The following NUP188 variants were observed in gnomAD, a reference collection of about 807,000 sequenced individuals.
NUP188 encodes nucleoporin 188.
Under a neutral mutation model 223.0 loss-of-function variants are expected in NUP188, and 97 were observed. The observed-to-expected ratio is 0.43, with a 90% CI of 0.37 to 0.51. The LOEUF is 0.51. NUP188 is among the 20% of genes least tolerant of loss of function. The pLI is 0.00. For missense variants in NUP188, 1,947 were observed against 2,175.6 expected, an observed-to-expected ratio of 0.89 and a Z score of 2.09; for synonymous variants, 869 against 828.0, an observed-to-expected ratio of 1.05 and a Z score of -0.85.
chr9:128,970,459 T>C (rs1203235049), intron 10 of NUP188, among the ~76,000 whole-genome samples: 1 of 152,068 alleles, frequency 6.6e-6, no homozygotes, highest in African/African-American at 2.4e-5. Context: ...AAAATGAAGA[T>C]AGAGCATAGA....
At chr9:128,954,448 G>A (rs1270051443) in intron 3 of NUP188, among the ~76,000 whole-genome samples, 3 of 142,210 alleles carry the variant, frequency 2.1e-5, no homozygotes, top group African/African-American at 8.0e-5. Context: ...GCAGTGGCAC[G>A]ATCTCGGCTC....
intron 12 of NUP188, among the ~76,000 whole-genome samples, chr9:128,978,279 C>T (rs1048746627): frequency 7.9e-5 from 12 of 151,768 alleles, no homozygotes; most frequent in Admixed American, 7.2e-4. Flanking sequence ...TATACAAAAA[C>T]GGTAAAAAGA....
At chr9:128,960,059 CTTTT>C (rs956759518) in intron 8 of NUP188, among the ~76,000 whole-genome samples, 3 of 103,790 alleles carry the variant, frequency 2.9e-5, no homozygotes, top group South Asian at 3.1e-4. Flanking sequence ...TTATTTTATT[CTTTT>C]TTTTTTTTTT....
chr9:128,983,732 C>T (rs1366107425), intron 19 of NUP188, among the ~76,000 whole-genome samples, 182 bp downstream of exon 19: 1 of 152,038 alleles, frequency 6.6e-6, no homozygotes, highest in African/African-American at 2.4e-5. Context: ...CATGTTCAAG[C>T]AGTTGTTGTG....
Position 128,993,343 on chromosome 9 carries a change from G to A in NUP188, c.2787G>A (p.Gln929=), listed in dbSNP as rs1162619527. 1.9e-6 allele frequency: 3 copies of A among 1,614,068 alleles called. No individual in the cohort carries two copies. The highest frequency in any genetic ancestry group is 2.5e-6 in the Non-Finnish European group (3 of 1,180,030). Residue 929 remains glutamine (Q), a synonymous_variant, in exon 26 of 44, where the codon CAG becomes CAA. Coordinates refer to ENST00000372577, the MANE Select transcript of NUP188 (RefSeq NM_015354.3). ...LEFLTVAVET[Q]PGLIELFLNL... is the part of the protein sequence containing the mutation. ...TCCTCACTGTTGCAGTAGAGACCCA[G>A]CCAGGCCTCATCGAACTGTTTCTGA...
rs780214067 is a variant in NUP188, at chr9:128,952,824, CT to C, written c.142del (p.Ser48LeufsTer14). 16 of 1,613,502 alleles carry C rather than the reference CT, an allele frequency of 9.9e-6. No homozygotes were observed. Among genetic ancestry groups the C allele is most frequent in the Non-Finnish European group, 1.3e-5 (15 of 1,179,672 alleles). Reference sequence around the variant, plus strand: ...ACATTGGCGGCGATTGTTAGAGGGGCTTTCTTACTACAAACCTCCCAGGTAT... The same window carrying C: ...ACATTGGCGGCGATTGTTAGAGGGGCTTCTTACTACAAACCTCCCAGGTAT... ...NKHWRRLLEG[L>X]SYYKPPSPSS... On this transcript the variant is annotated frameshift_variant, in exon 3 of 44. Transcript: ENST00000372577. LOFTEE classifies it high-confidence loss of function.
chr9:128,981,931 G>A (rs915091806), intron 15 of NUP188, among the ~76,000 whole-genome samples: 3 of 151,936 alleles, frequency 2.0e-5, no homozygotes, highest in Admixed American at 6.6e-5. Flanking sequence ...TATAAAATTA[G>A]TCGGGCGTGG....
Position 128,995,599 on chromosome 9 carries a change from C to A in NUP188, c.3351+85C>A. The A allele has an allele frequency of 2.6e-6, 3 of 1,174,348 alleles. No homozygotes were observed. The highest frequency in any genetic ancestry group is 2.4e-5 in the East Asian group (1 of 42,488). 72.7% of individuals were successfully genotyped at this position (1,174,348 alleles called of 1,614,324 possible). ...AGCCTAGCAGATACAGCTCCTTGTG[C>A]GGAAGAATTAATCAGGGTTTATCCC... On this transcript the variant is annotated intron_variant, in intron 30 of 43. Transcript: ENST00000372577.
At chr9:128,975,060 T>C (rs10760583) in intron 12 of NUP188, among the ~76,000 whole-genome samples, 114,342 of 151,872 alleles carry the variant, frequency 0.75, 43,935 homozygotes, top group African/African-American at 0.91. Context: ...TATGCCTGGC[T>C]GAAGTTATTT....
At position 129,006,256 on chromosome 9, in the gene NUP188, C is replaced by T; in HGVS notation, c.4961C>T (p.Thr1654Ile). The change falls in exon 43 of 44, where the codon ACC becomes ATC. Residue 1654 changes from threonine to isoleucine, a missense_variant. Physicochemically the swap from Thr to Ile is moderately conservative, Grantham distance 89. Coordinates refer to ENST00000372577, the MANE Select transcript of NUP188 (RefSeq NM_015354.3). Reference sequence around the variant, plus strand: ...CCTCCCAGGTCCCTCCTGATGTTTACCATGGAAAACTGCTTCTACCTGCTC... The same window carrying T: ...CCTCCCAGGTCCCTCCTGATGTTTATCATGGAAAACTGCTTCTACCTGCTC... ...TRTLKSLLMF[T>I]MENCFYLLIS... 1 of 1,614,168 alleles carries T rather than the reference C, an allele frequency of 6.2e-7. No homozygotes were observed. The highest frequency in any genetic ancestry group is 8.5e-7 in the Non-Finnish European group (1 of 1,180,034).
chr9:128,974,737 C>T (rs1235325335), intron 12 of NUP188, among the ~76,000 whole-genome samples: 1 of 151,296 alleles, frequency 6.6e-6, no homozygotes, highest in African/African-American at 2.4e-5. Context: ...ACATTACAAC[C>T]GTTATCACAC....
At chr9:128,956,770 T>C (rs1360053624) in intron 4 of NUP188, among the ~76,000 whole-genome samples, 182 bp from the exon 5 acceptor site, 1 of 152,218 alleles carries the variant, frequency 6.6e-6, no homozygotes, top group Non-Finnish European at 1.5e-5. Context: ...GTAATAAAAA[T>C]TGTATGTCAG....
At chr9:128,948,890 T>C in intron 1 of NUP188, 1 of 190,824 alleles carries the variant, frequency 5.2e-6, no homozygotes. Flanking sequence ...AACGCCTGGC[T>C]AATTTTTTGT....
chr9:128,959,213 T>A, intron 8 of NUP188, 79 bp downstream of exon 8: 1 of 1,168,344 alleles, frequency 8.6e-7, no homozygotes, highest in Non-Finnish European at 1.2e-6. Context: ...TGGAGTGCAG[T>A]GGCATGATCT....
At chr9:128,979,179 T>A in intron 12 of NUP188, 83 bp from the exon 13 acceptor site, 1 of 1,065,472 alleles carries the variant, frequency 9.4e-7, no homozygotes, top group Non-Finnish European at 1.4e-6. Context: ...GTTTTGGTGT[T>A]TTTATTTCAA....
At chr9:128,998,908 G>A (rs867358191) in intron 32 of NUP188, among the ~76,000 whole-genome samples, 14 of 149,334 alleles carry the variant, frequency 9.4e-5, no homozygotes, top group South Asian at 2.1e-4. Flanking sequence ...CCAGGCTGGA[G>A]TGCAGTGGCG....
rs550600914 is a variant in NUP188, at chr9:128,960,913, C to T, written c.585+1779C>T. Among the ~76,000 whole-genome samples the T allele has an allele frequency of 2.4e-3, 370 of 151,954 alleles. 7 individuals carry two copies. The East Asian group carries it at 0.042, about 17-fold the overall frequency. ...CAGCCTGGCCAACATGGTGAAACCT[C>T]GTCTCTACTAAAAATACAAAAATTA... is the stretch of plus-strand genomic sequence containing the variant. On this transcript the variant is annotated intron_variant, in intron 8 of 43. Coordinates refer to ENST00000372577, the MANE Select transcript of NUP188 (RefSeq NM_015354.3).
Position 128,999,261 on chromosome 9 carries a change from C to A in NUP188, c.3605C>A (p.Thr1202Asn), listed in dbSNP as rs774246034. 1.4e-5 allele frequency: 23 copies of A among 1,614,024 alleles called. No individual in the cohort carries two copies. Among genetic ancestry groups the A allele is most frequent in the Non-Finnish European group, 1.9e-5 (22 of 1,180,026 alleles). The change falls in exon 33 of 44, where the codon ACC (threonine) becomes AAC (asparagine). Residue 1202 changes from threonine (T) to asparagine (N), a missense_variant. This residue lies in a region of NUP188 where 905 missense variants were observed against 990.6 expected (regional missense o/e 0.91). Transcript: ENST00000372577. ...LQADQQLMEK[T>N]KAKVFSAFIT... ...GCCGACCAGCAACTCATGGAGAAGACCAAGGCCAAGGTGTTCTCAGCATTC... is the reference window on the plus strand; with the variant it reads ...GCCGACCAGCAACTCATGGAGAAGAACAAGGCCAAGGTGTTCTCAGCATTC...
intron 34 of NUP188, among the ~76,000 whole-genome samples, chr9:129,000,781 G>A (rs1373158841): frequency 1.3e-5 from 2 of 151,420 alleles, no homozygotes; most frequent in Non-Finnish European, 1.5e-5. Context: ...GCTAACGCCT[G>A]TAATCCCAGC....
Sources: allele counts gnomAD v4.1 joint callset (sites outside exome capture counted in the v4.1 genomes callset), GRCh38; gene constraint gnomAD v4.1.1; regional missense constraint gnomAD v4.1.1; transcripts MANE v1.5; gene names NCBI Gene and HGNC (gene_info 2026-07-23, HGNC 2026-07-21).